FGF13: variants seen among roughly 807,000 people sequenced by gnomAD.
FGF13 encodes the protein fibroblast growth factor 13, also known as fibroblast growth factor homologous factor 2.
FGF13 carries 2 observed loss-of-function variants against 19.5 expected under a neutral mutation model. The ratio of observed to expected loss-of-function variants is 0.10; its 90% CI spans 0.04 to 0.32. The LOEUF (loss-of-function observed/expected upper bound fraction) is 0.32, where lower values mean the gene tolerates loss of function less well. Ranked by LOEUF, FGF13 falls within the 10% of genes least tolerant of loss-of-function variation. The pLI is 1.00. For missense variants in FGF13, 113 were observed against 192.7 expected (o/e 0.59, Z 2.45); for synonymous variants, 72 against 76.9 (o/e 0.94, Z 0.33).
intron 1 of FGF13, chrX:138,739,175 G>T: frequency 1.5e-6 from 1 of 661,064 alleles, no homozygotes. Context: ...TTTCTACAAA[G>T]GCATTAATGT....
intron 3 of FGF13, among the ~76,000 whole-genome samples, chrX:138,824,310 G>A (rs2091019551): frequency 8.9e-6 from 1 of 111,751 alleles, no homozygotes; most frequent in Non-Finnish European, 1.9e-5. Flanking sequence ...TTCAGATGGG[G>A]CAAAGGCTTG....
At chrX:138,886,538 A>T (rs1395234284) in intron 1 of FGF13, among the ~76,000 whole-genome samples, 2 of 112,133 alleles carry the variant, frequency 1.8e-5, no homozygotes, top group African/African-American at 6.5e-5. Flanking sequence ...CCCATAGTAA[A>T]GGTGCACAGC....
chrX:138,698,745 C>A (rs2089919519), intron 3 of FGF13, among the ~76,000 whole-genome samples: 1 of 111,400 alleles, frequency 9.0e-6, no homozygotes, highest in Non-Finnish European at 1.9e-5. Flanking sequence ...GTACCTAAGG[C>A]TGAGAATCAT....
At chrX:139,003,929 G>A (rs76473363) in intron 1 of FGF13, among the ~76,000 whole-genome samples, 1 of 112,712 alleles carries the variant, frequency 8.9e-6, no homozygotes, top group Non-Finnish European at 1.9e-5. Context: ...GACTCTCCAC[G>A]TCCCCACCAG....
At chrX:138,795,575 C>T (rs2090772199) in intron 3 of FGF13, among the ~76,000 whole-genome samples, 1 of 111,748 alleles carries the variant, frequency 8.9e-6, no homozygotes, top group Non-Finnish European at 1.9e-5. Context: ...ACATGGCCAA[C>T]ATAGATGTTT....
At position 138,818,338 on chromosome X, in the gene FGF13, T is replaced by TA. The variant is rs1193684668; in HGVS notation, c.217+39173dup. 2.7e-5 allele frequency among the ~76,000 whole-genome samples: 3 copies of TA among 110,435 alleles called. No individual in the cohort carries two copies. The East Asian group carries it at 8.6e-4, about 31-fold the overall frequency. ...CAATGACAGGAAATTCACCACTACT[T>TA]ACGGTATCTCAGTCTACTTAAGGAA... On this transcript the variant is annotated intron_variant, in intron 3 of 6. Coordinates refer to the FGF13 transcript ENST00000436198.
Position 139,028,660 on chromosome X carries a change from AGAGAAAGAG to A in FGF13, c.-112-164019_-112-164011del, listed in dbSNP as rs1569443956. On this transcript the variant is annotated intron_variant, in intron 1 of 2. Coordinates refer to the FGF13 transcript ENST00000421460. ...GTGTGTGTGTGTGTGTGAGAGAGAG[AGAGAAAGAG>A]AGAGTGTGTGTGAAAGACAGTGTGT... 9.4e-4 allele frequency among the ~76,000 whole-genome samples: 48 copies of A among 50,946 alleles called. No homozygotes were observed. In the East Asian group the frequency reaches 0.013, roughly 14 times the overall value. The allele number at this position is 50,946 out of a possible 115,157, so 44.2% of individuals were successfully genotyped here.
At chrX:138,860,600 C>T (rs1304799558) in intron 2 of FGF13, among the ~76,000 whole-genome samples, 1 of 112,117 alleles carries the variant, frequency 8.9e-6, no homozygotes, top group Non-Finnish European at 1.9e-5. Flanking sequence ...TCAGTGACTC[C>T]TGCTGCCCTA....
intron 1 of FGF13, among the ~76,000 whole-genome samples, chrX:139,034,317 A>T (rs976541252): frequency 9.0e-6 from 1 of 111,545 alleles, no homozygotes; most frequent in Non-Finnish European, 1.9e-5. Context: ...AAGAAGCTCC[A>T]GTAGGAAATG....
At chrX:139,051,760 G>A (rs1280492950) in intron 1 of FGF13, among the ~76,000 whole-genome samples, 2 of 112,324 alleles carry the variant, frequency 1.8e-5, no homozygotes, top group African/African-American at 6.5e-5. Flanking sequence ...AGTTTCTCTT[G>A]TCCTATATTT....
At chrX:138,891,988 C>A (rs183613116) in intron 1 of FGF13, among the ~76,000 whole-genome samples, 48 of 68,228 alleles carry the variant, frequency 7.0e-4, no homozygotes, top group African/African-American at 3.3e-3. Flanking sequence ...CTGTCTCTCT[C>A]TCTATATATA....
chrX:138,645,983 A>G (rs2124118169), intron 3 of FGF13, among the ~76,000 whole-genome samples: 1 of 112,447 alleles, frequency 8.9e-6, no homozygotes, highest in South Asian at 3.7e-4. Flanking sequence ...CTATGCTACA[A>G]AACTACAATG....
intron 1 of FGF13, among the ~76,000 whole-genome samples, chrX:139,016,461 C>T (rs774572402): frequency 3.6e-5 from 4 of 111,287 alleles, no homozygotes; most frequent in Non-Finnish European, 7.5e-5. Flanking sequence ...ATAGGCAATC[C>T]AAGATTTTCT....
intron 1 of FGF13, among the ~76,000 whole-genome samples, chrX:138,987,431 A>C (rs1219770610): frequency 8.9e-6 from 1 of 111,956 alleles, no homozygotes; most frequent in African/African-American, 3.2e-5. Context: ...AAATCCTGCA[A>C]GTAGCTCCAG....
chrX:138,723,603 GTTAT>G (rs944013522), intron 1 of FGF13, among the ~76,000 whole-genome samples: 2 of 111,403 alleles, frequency 1.8e-5, no homozygotes, highest in African/African-American at 6.5e-5. Context: ...ATCATCTTAG[GTTAT>G]TTAACACTTC....
At chrX:139,071,820 A>G (rs764879417) in intron 1 of FGF13, among the ~76,000 whole-genome samples, 2 of 109,006 alleles carry the variant, frequency 1.8e-5, no homozygotes, top group African/African-American at 3.3e-5. Flanking sequence ...GATCAAGACC[A>G]TCCTGGCCAA....
chrX:139,041,735 C>A (rs966578974), intron 1 of FGF13, among the ~76,000 whole-genome samples: 15 of 111,332 alleles, frequency 1.3e-4, no homozygotes, highest in African/African-American at 4.3e-4. Context: ...TTCAAGCAAG[C>A]CTAATAGGTA....
intron 1 of FGF13, among the ~76,000 whole-genome samples, chrX:139,013,649 G>C (rs2092141008): frequency 9.4e-6 from 1 of 106,946 alleles, no homozygotes; most frequent in South Asian, 4.2e-4. Flanking sequence ...ACCAAACACT[G>C]TGTATTCTCA....
intron 2 of FGF13, among the ~76,000 whole-genome samples, chrX:138,859,698 T>A (rs911190671): frequency 2.7e-5 from 3 of 112,231 alleles, no homozygotes; most frequent in Non-Finnish European, 5.6e-5. Context: ...TTTAATTAGA[T>A]ACGACTGGTT....
Sources: gnomAD v4.1 joint callset for allele counts (sites outside exome capture counted in the v4.1 genomes callset) on GRCh38, gnomAD v4.1.1 for gene constraint, MANE v1.5 for transcripts, NCBI Gene and HGNC (gene_info 2026-07-23, HGNC 2026-07-21) for gene names.